The following DDIAS variants were observed in gnomAD, a reference collection of about 807,000 sequenced individuals.
DDIAS encodes DNA damage-induced apoptosis suppressor protein.
DDIAS carries 14 observed loss-of-function variants against 15.7 expected under a neutral mutation model. The observed-to-expected ratio is 0.89, with a 90% CI of 0.59 to 1.39. The LOEUF (loss-of-function observed/expected upper bound fraction) is 1.39, where lower values mean the gene tolerates loss of function less well. DDIAS is among the 40% of genes most tolerant of loss of function. The pLI, the probability that DDIAS is intolerant of heterozygous loss-of-function variation, is 0.00. For missense variants in DDIAS, 1,035 were observed against 1,130.9 expected (o/e 0.92, Z 1.22); for synonymous variants, 355 against 395.9 (o/e 0.90, Z 1.23).
rs143450586 is a variant in DDIAS, at chr11:82,931,250, A to T, written c.394-482A>T. Among the ~76,000 whole-genome samples, 531 of 152,316 alleles carry T rather than the reference A, an allele frequency of 3.5e-3. 1 individual carries two copies. The highest frequency in any genetic ancestry group is 0.012 in the African/African-American group (497 of 41,574). On this transcript the variant is annotated intron_variant, in intron 5 of 5. Transcript: ENST00000533655. Reference sequence around the variant, plus strand: ...ACAAGCTCTTTACTCTAAGGTTTATATTCTCTTACATATGCTACTTTGCCT... The same window carrying T: ...ACAAGCTCTTTACTCTAAGGTTTATTTTCTCTTACATATGCTACTTTGCCT...
At position 82,932,171 on chromosome 11, in the gene DDIAS, C is replaced by G. The variant is rs2121370998; in HGVS notation, c.833C>G (p.Ser278Cys). The G allele has an allele frequency of 2.5e-6, 4 of 1,614,168 alleles. No individual in the cohort carries two copies. The highest frequency in any genetic ancestry group is 3.4e-6 in the Non-Finnish European group (4 of 1,180,032). The change falls in exon 6 of 6, where the codon TCC (serine) becomes TGC (cysteine). Residue 278 changes from serine (S) to cysteine (C), a missense_variant. Physicochemically the swap from Ser to Cys is moderately radical, Grantham distance 112 (BLOSUM62 -1). Coordinates refer to ENST00000533655, the MANE Select transcript of DDIAS (RefSeq NM_145018.4). Reference protein sequence around the residue: ...GTLQQNRKSISIAEATGSSSC... With the variant: ...GTLQQNRKSICIAEATGSSSC... ...CTTCAGCAGAACAGAAAGTCCATCT[C>G]CATTGCAGAGGCCACTGGTTCCAGT...
At chr11:82,931,699 A>G (rs1037729198) in intron 5 of DDIAS, 33 bp from the exon 6 acceptor site, 3 of 1,529,724 alleles carry the variant, frequency 2.0e-6, no homozygotes, top group Non-Finnish European at 2.6e-6. Context: ...AGACAATTTT[A>G]TTCTTACTTA....
chr11:82,932,371 C>G lies in DDIAS; in HGVS notation c.1033C>G (p.Arg345Gly), dbSNP rs371138284. 4 of 1,613,794 alleles carry G rather than the reference C, an allele frequency of 2.5e-6. No individual in the cohort carries two copies. The highest frequency in any genetic ancestry group is 3.4e-6 in the Non-Finnish European group (4 of 1,179,856). The change falls in exon 6 of 6, where the codon CGA (arginine) becomes GGA (glycine). Residue 345 changes from arginine to glycine, a missense_variant. Coordinates refer to ENST00000533655, the MANE Select transcript of DDIAS (RefSeq NM_145018.4). ...CTCTAATTTATTCTCTTTGGAAATG[C>G]GAGAGCCCCTTGAGTCAAGTAATAC... ...NDSNLFSLEM[R>G]EPLESSNTKS...
chr11:82,925,755 G>A (rs1452556009), intron 3 of DDIAS, among the ~76,000 whole-genome samples: 8 of 152,110 alleles, frequency 5.3e-5, no homozygotes, highest in Non-Finnish European at 8.8e-5. Context: ...TTGGGAGGCC[G>A]AGGTGGGCGG....
At chr11:82,923,593 A>G (rs374375721) in intron 3 of DDIAS, among the ~76,000 whole-genome samples, 7 of 152,306 alleles carry the variant, frequency 4.6e-5, no homozygotes, top group East Asian at 3.9e-4. Context: ...TTTTCAATCT[A>G]TAGGTATTCT....
intron 1 of DDIAS, 123 bp from the exon 2 acceptor site, chr11:82,913,164 A>C (rs111389160): frequency 6.6e-6 from 1 of 152,262 alleles, no homozygotes; most frequent in Admixed American, 6.5e-5. Flanking sequence ...CAGGGTTGCT[A>C]TAAACCTTCA....
intron 3 of DDIAS, among the ~76,000 whole-genome samples, chr11:82,926,042 A>C (rs576186708): frequency 1.3e-5 from 2 of 152,028 alleles, no homozygotes; most frequent in African/African-American, 4.8e-5. Context: ...ACGTATTTCA[A>C]ATCACCATGT....
At chr11:82,902,258 T>G (rs1449085296) in intron 1 of DDIAS, among the ~76,000 whole-genome samples, 1 of 152,170 alleles carries the variant, frequency 6.6e-6, no homozygotes, top group African/African-American at 2.4e-5. Context: ...CTTGAAAGTT[T>G]TCTTCCTTTT....
chr11:82,929,042 C>A (rs2121362843), intron 4 of DDIAS, 104 bp downstream of exon 4: 1 of 1,282,818 alleles, frequency 7.8e-7, no homozygotes. Flanking sequence ...CATTCAACCC[C>A]AGATTGTCAA....
In DDIAS at chr11:82,932,186, C is replaced by T. The variant is rs755239373; in HGVS notation, c.848C>T (p.Thr283Ile). 3.1e-6 allele frequency: 5 copies of T among 1,614,156 alleles called. No individual in the cohort carries two copies. The highest frequency in any genetic ancestry group is 4.2e-6 in the Non-Finnish European group (5 of 1,180,026). ...NRKSISIAEA[T>I]GSSSCHDPIQ... ...AAGTCCATCTCCATTGCAGAGGCCA[C>T]TGGTTCCAGTAGCTGCCATGATCCC... Residue 283 changes from threonine to isoleucine, a missense_variant, in exon 6 of 6, where the codon ACT (threonine) becomes ATT (isoleucine). Transcript: ENST00000533655.
chr11:82,910,752 A>G (rs1352413599), intron 1 of DDIAS, among the ~76,000 whole-genome samples: 3 of 151,578 alleles, frequency 2.0e-5, no homozygotes, highest in Non-Finnish European at 4.4e-5. Flanking sequence ...AGTAGCTGGG[A>G]CCACAAGCTC....
chr11:82,930,880 G>A lies in DDIAS; in HGVS notation c.393+606G>A, dbSNP rs560412557. 5.3e-5 allele frequency among the ~76,000 whole-genome samples: 8 copies of A among 152,296 alleles called. No individual in the cohort carries two copies. In the South Asian group the frequency reaches 1.7e-3, roughly 32 times the overall value. On this transcript the variant is annotated intron_variant, in intron 5 of 5. Transcript: ENST00000533655. ...TAAAAGAGGACTCCACAACAGAAGA[G>A]TGAGAAAAATCCAAAGGGAAGGTAG...
chr11:82,931,681 T>TCTTCC, intron 5 of DDIAS, 51 bp from the exon 6 acceptor site: 2 of 1,491,690 alleles, frequency 1.3e-6, no homozygotes, highest in Non-Finnish European at 1.8e-6. Flanking sequence ...CATGTTTAAG[T>TCTTCC]AAATGGAAGA....
chr11:82,915,876 C>T (rs1860623649), intron 3 of DDIAS, among the ~76,000 whole-genome samples: 1 of 152,194 alleles, frequency 6.6e-6, no homozygotes, highest in Non-Finnish European at 1.5e-5. Context: ...GTGTGGTATA[C>T]AGTCCTTACT....
intron 1 of DDIAS, among the ~76,000 whole-genome samples, chr11:82,906,749 A>G (rs2121313504): frequency 6.6e-6 from 1 of 152,292 alleles, no homozygotes; most frequent in South Asian, 2.1e-4. Flanking sequence ...ATAAGATGTA[A>G]GTAATGATTA....
At position 82,934,590 on chromosome 11, in the gene DDIAS, T is replaced by G. The variant is rs1053976818; in HGVS notation, c.*255T>G. ...TGTACTTTAATAATATTGTTAAGAT[T>G]GTTTTTGAAAGTATTAATGTTTGTT... On this transcript the variant is annotated 3_prime_UTR_variant, in exon 6 of 6. Coordinates refer to ENST00000533655, the MANE Select transcript of DDIAS (RefSeq NM_145018.4). The G allele has an allele frequency of 2.9e-6, 1 of 345,418 alleles. No individual in the cohort carries two copies. The highest frequency in any genetic ancestry group is 5.1e-6 in the Non-Finnish European group (1 of 194,856). 21.4% of individuals were successfully genotyped at this position (345,418 alleles called of 1,614,324 possible).
intron 4 of DDIAS, among the ~76,000 whole-genome samples, chr11:82,929,912 T>C (rs184407161): frequency 1.5e-3 from 228 of 152,274 alleles, no homozygotes; most frequent in Admixed American, 3.9e-3. Flanking sequence ...TATTTTTCCT[T>C]ATAATCATTG....
At position 82,932,372 on chromosome 11, in the gene DDIAS, G is replaced by C. The variant is rs781037039; in HGVS notation, c.1034G>C (p.Arg345Pro). The C allele has an allele frequency of 6.2e-7, 1 of 1,613,842 alleles. No individual in the cohort carries two copies. Among genetic ancestry groups the C allele is most frequent in the African/African-American group, 1.3e-5 (1 of 74,910 alleles). ...NDSNLFSLEM[R>P]EPLESSNTKS... is the part of the protein sequence containing the mutation. ...TCTAATTTATTCTCTTTGGAAATGC[G>C]AGAGCCCCTTGAGTCAAGTAATACA... Residue 345 changes from arginine (R) to proline (P), a missense_variant, in exon 6 of 6, where the codon CGA (arginine) becomes CCA (proline). By Grantham distance (103) the Arg-to-Pro change is moderately radical. Coordinates refer to ENST00000533655, the MANE Select transcript of DDIAS (RefSeq NM_145018.4).
intron 3 of DDIAS, among the ~76,000 whole-genome samples, chr11:82,928,404 T>C (rs1360940275): frequency 6.6e-6 from 1 of 151,846 alleles, no homozygotes; most frequent in Non-Finnish European, 1.5e-5. Flanking sequence ...TTTTACCGTG[T>C]TAGCTAGGAT....
Sources: allele counts gnomAD v4.1 joint callset (sites outside exome capture counted in the v4.1 genomes callset), GRCh38; gene constraint gnomAD v4.1.1; transcripts MANE v1.5; gene names NCBI Gene and HGNC (gene_info 2026-07-23, HGNC 2026-07-21).